The following PDE4B variants were observed in gnomAD, a reference collection of about 807,000 sequenced individuals.
PDE4B encodes the protein 3',5'-cyclic-AMP phosphodiesterase 4B.
A neutral mutation model predicts 82.2 loss-of-function variants in PDE4B; 20 were observed. The ratio of observed to expected loss-of-function variants is 0.24; its 90% confidence interval spans 0.17 to 0.35. The LOEUF is 0.35. PDE4B is among the 10% of genes least tolerant of loss of function. The pLI is 1.00. For synonymous variants in PDE4B, 320 were observed against 318.9 expected (o/e 1.00, Z -0.04); for missense variants, 655 against 907.2 (o/e 0.72, Z 3.57).
rs1310768526 is a variant in PDE4B at position 66,131,449 on chromosome 1, A to G, written c.282-116011A>G. Reference sequence around the variant, plus strand: ...AAAGAACGTATTAATGACATTGAAAACAGGTCCTGAATCTAGAATGGCTGT... The same window carrying G: ...AAAGAACGTATTAATGACATTGAAAGCAGGTCCTGAATCTAGAATGGCTGT... On this transcript the variant is annotated intron_variant, in intron 3 of 16. Transcript: ENST00000341517. Among the ~76,000 whole-genome samples the G allele has an allele frequency of 3.3e-5, 5 of 151,066 alleles. 1 individual carries two copies. The highest frequency in any genetic ancestry group is 3.3e-4 in the Admixed American group (5 of 15,142).
intron 3 of PDE4B, among the ~76,000 whole-genome samples, chr1:65,988,385 A>C (rs888521156): frequency 2.0e-5 from 3 of 152,172 alleles, no homozygotes; most frequent in Non-Finnish European, 4.4e-5. Flanking sequence ...TATATATAAC[A>C]GTATATTTAC....
chr1:65,890,537 T>C (rs1004123418), intron 1 of PDE4B, among the ~76,000 whole-genome samples: 7 of 152,034 alleles, frequency 4.6e-5, no homozygotes, highest in Admixed American at 1.3e-4. Flanking sequence ...AGTATACATG[T>C]TCTTAATCTC....
chr1:66,079,540 A>G (rs2100954511), intron 3 of PDE4B, among the ~76,000 whole-genome samples: 1 of 152,286 alleles, frequency 6.6e-6, no homozygotes, highest in African/African-American at 2.4e-5. Flanking sequence ...GCCACTCACC[A>G]AATTCCAGCA....
chr1:66,130,722 C>G (rs1474088737), intron 3 of PDE4B, among the ~76,000 whole-genome samples: 1 of 152,184 alleles, frequency 6.6e-6, no homozygotes, highest in Admixed American at 6.5e-5. Context: ...TTTTGAACAT[C>G]GCTGAAGGGT....
intron 3 of PDE4B, among the ~76,000 whole-genome samples, chr1:66,087,086 G>A (rs1319855754): frequency 2.0e-5 from 3 of 152,052 alleles, no homozygotes; most frequent in Admixed American, 6.6e-5. Context: ...TTATATTCAC[G>A]TATTGCAAAA....
Position 66,266,023 on chromosome 1 carries a change from T to C in PDE4B, c.585-15T>C. On this transcript the variant is annotated splice_polypyrimidine_tract_variant and intron_variant, in intron 6 of 16. Coordinates refer to ENST00000341517, the MANE Select transcript of PDE4B (RefSeq NM_002600.4). ...TGATACACAGACTCAGTCCTTCTTT[T>C]CTCTGTCTCCACAGGAGGTCCCCAG... 1 of 1,609,474 alleles carries C rather than the reference T, an allele frequency of 6.2e-7. No homozygotes were observed. The highest frequency in any genetic ancestry group is 2.2e-5 in the East Asian group (1 of 44,840).
At chr1:65,822,773 A>T (rs948796483) in intron 1 of PDE4B, among the ~76,000 whole-genome samples, 10 of 152,158 alleles carry the variant, frequency 6.6e-5, no homozygotes, top group Non-Finnish European at 1.5e-4. Flanking sequence ...GGAAACAGAG[A>T]GATCCAACCC....
intron 3 of PDE4B, among the ~76,000 whole-genome samples, chr1:66,094,863 G>T (rs559840346): frequency 1.3e-5 from 2 of 151,830 alleles, no homozygotes; most frequent in Non-Finnish European, 2.9e-5. Flanking sequence ...TTTTTAAATG[G>T]GGGAAACTGA....
intron 1 of PDE4B, among the ~76,000 whole-genome samples, chr1:65,908,858 G>T (rs1398597749): frequency 6.6e-6 from 1 of 152,116 alleles, no homozygotes; most frequent in East Asian, 1.9e-4. Flanking sequence ...ACTCAAAAAG[G>T]ACTGCAATTA....
chr1:66,060,325 T>A (rs1232797996), intron 3 of PDE4B, among the ~76,000 whole-genome samples: 1 of 152,114 alleles, frequency 6.6e-6, no homozygotes, highest in Admixed American at 6.5e-5. Flanking sequence ...TATCAAGGAG[T>A]TTTTACTTGC....
At chr1:66,175,705 T>C (rs898693178) in intron 3 of PDE4B, among the ~76,000 whole-genome samples, 1 of 152,232 alleles carries the variant, frequency 6.6e-6, no homozygotes, top group Non-Finnish European at 1.5e-5. Context: ...GAGGACAATG[T>C]ATGTAACATT....
intron 3 of PDE4B, among the ~76,000 whole-genome samples, chr1:66,104,243 C>T (rs1431590615): frequency 6.6e-6 from 1 of 152,014 alleles, no homozygotes; most frequent in African/African-American, 2.4e-5. Flanking sequence ...CCAATTTCAT[C>T]CATGTCCCTG....
At chr1:65,878,970 A>G (rs910455182) in intron 1 of PDE4B, among the ~76,000 whole-genome samples, 3 of 152,204 alleles carry the variant, frequency 2.0e-5, no homozygotes, top group South Asian at 2.1e-4. Flanking sequence ...TTTGAGTGCT[A>G]TGATGTGCCA....
At chr1:65,976,090 C>T (rs1381570694) in intron 3 of PDE4B, among the ~76,000 whole-genome samples, 1 of 152,160 alleles carries the variant, frequency 6.6e-6, no homozygotes, top group Non-Finnish European at 1.5e-5. Context: ...GGAAAAGCCT[C>T]AGGTACTCAA....
At chr1:66,331,799 G>T (rs1012963437) in intron 7 of PDE4B, 1 of 985,250 alleles carries the variant, frequency 1.0e-6, no homozygotes, top group Admixed American at 6.1e-5. Context: ...ACGTGTTCAC[G>T]TAAAACTCCA....
intron 3 of PDE4B, among the ~76,000 whole-genome samples, chr1:66,056,599 T>C (rs1655317861): frequency 6.6e-6 from 1 of 151,972 alleles, no homozygotes; most frequent in African/African-American, 2.4e-5. Context: ...TGATTAAAGA[T>C]ATGGAGCTTG....
intron 3 of PDE4B, among the ~76,000 whole-genome samples, chr1:66,081,171 C>T (rs1025822869): frequency 2.0e-5 from 3 of 152,090 alleles, no homozygotes; most frequent in African/African-American, 7.2e-5. Flanking sequence ...GTCTCTATTT[C>T]TTCCTTTTCC....
At chr1:66,056,629 G>T (rs1655319635) in intron 3 of PDE4B, among the ~76,000 whole-genome samples, 1 of 151,928 alleles carries the variant, frequency 6.6e-6, no homozygotes, top group South Asian at 2.1e-4. Flanking sequence ...ATATGATTGT[G>T]ATCAGTCTAA....
intron 1 of PDE4B, among the ~76,000 whole-genome samples, chr1:65,849,391 C>T (rs1646304034): frequency 6.6e-6 from 1 of 152,080 alleles, no homozygotes; most frequent in African/African-American, 2.4e-5. Context: ...AGGATGCATC[C>T]TAAAGGGGTT....
Sources: gnomAD v4.1 joint callset for allele counts (sites outside exome capture counted in the v4.1 genomes callset) on GRCh38, gnomAD v4.1.1 for gene constraint, MANE v1.5 for transcripts, NCBI Gene and HGNC (gene_info 2026-07-23, HGNC 2026-07-21) for gene names.